Variants in ENOX2 observed in about 807,000 individuals in gnomAD.
The protein encoded by ENOX2 is APK1 antigen.
In ENOX2, 36 loss-of-function variants were observed where a neutral mutation model predicts 45.0. The observed-to-expected ratio is 0.80, with a 90% CI of 0.61 to 1.06. ENOX2 has a LOEUF of 1.06. ENOX2 is among the 50% of genes least tolerant of loss of function. The pLI is 0.00. For missense variants in ENOX2, 423 were observed against 462.5 expected, an observed-to-expected ratio of 0.91 and a Z score of 0.78; for synonymous variants, 174 against 152.3, an observed-to-expected ratio of 1.14 and a Z score of -1.05.
chrX:130,844,654 G>A (rs747535404), intron 2 of ENOX2, among the ~76,000 whole-genome samples: 7 of 111,839 alleles, frequency 6.3e-5, no homozygotes, highest in Non-Finnish European at 1.1e-4. Flanking sequence ...AAGCTGAATC[G>A]CAGTAACTTG....
chrX:130,817,818 T>C (rs368321818), intron 2 of ENOX2, among the ~76,000 whole-genome samples: 368 of 112,265 alleles, frequency 3.3e-3, no homozygotes, highest in African/African-American at 0.011. Context: ...TCATACTGAA[T>C]GGGCAGAAGC....
intron 3 of ENOX2, among the ~76,000 whole-genome samples, chrX:130,709,526 C>G (rs1256611288): frequency 2.8e-5 from 3 of 106,787 alleles, no homozygotes; most frequent in African/African-American, 1.0e-4. Flanking sequence ...GTAGTCCCAG[C>G]TACTTGGGAG....
intron 2 of ENOX2, among the ~76,000 whole-genome samples, chrX:130,802,626 C>T (rs73555138): frequency 1.1e-3 from 122 of 111,606 alleles, no homozygotes; most frequent in African/African-American, 3.6e-3. Flanking sequence ...CCACAGCAAG[C>T]CAGTGGCAGA....
intron 2 of ENOX2, among the ~76,000 whole-genome samples, chrX:130,856,062 C>T (rs1055076768): frequency 1.8e-5 from 2 of 112,057 alleles, no homozygotes; most frequent in African/African-American, 6.5e-5. Flanking sequence ...AAAACAGTGA[C>T]ACCACCATAT....
At chrX:130,809,702 A>C (rs771519182) in intron 2 of ENOX2, among the ~76,000 whole-genome samples, 27 of 111,661 alleles carry the variant, frequency 2.4e-4, no homozygotes, top group Non-Finnish European at 4.7e-4. Flanking sequence ...ACTACAAGTT[A>C]AAGTTAAGTC....
At chrX:130,746,476 T>C (rs2039100105) in intron 3 of ENOX2, among the ~76,000 whole-genome samples, 1 of 111,964 alleles carries the variant, frequency 8.9e-6, no homozygotes, top group African/African-American at 3.2e-5. Flanking sequence ...CTATTGAGGA[T>C]AGTAAGATAA....
chrX:130,775,792 T>C (rs1035182065), intron 3 of ENOX2, among the ~76,000 whole-genome samples: 1 of 111,454 alleles, frequency 9.0e-6, no homozygotes, highest in Non-Finnish European at 1.9e-5. Context: ...GTTTTGTGTT[T>C]TTTTTTTCTC....
intron 2 of ENOX2, among the ~76,000 whole-genome samples, chrX:130,832,418 T>TACAC (rs753016634): frequency 1.2e-4 from 9 of 73,599 alleles, no homozygotes; most frequent in South Asian, 6.2e-4. Flanking sequence ...GATATTCCCT[T>TACAC]ACACACACAC....
rs190519418 is a variant in ENOX2, at chrX:130,651,036, G to A, written c.1129+5545C>T. ...AAGAATGGGTAACATTTCTCTCAAGGCTAATAAGAAAGTTTGAGCTGAGGT... is the reference window on the plus strand; with the variant it reads ...AAGAATGGGTAACATTTCTCTCAAGACTAATAAGAAAGTTTGAGCTGAGGT... On this transcript the variant is annotated intron_variant, in intron 10 of 14. Coordinates refer to ENST00000394363, the MANE Select transcript of ENOX2 (RefSeq NM_006375.4). Among the ~76,000 whole-genome samples, 7 of 111,900 alleles carry A rather than the reference G, an allele frequency of 6.3e-5. No homozygotes were observed. The East Asian group carries it at 2.0e-3, about 32-fold the overall frequency.
At chrX:130,746,016 G>A (rs987130402) in intron 3 of ENOX2, among the ~76,000 whole-genome samples, 2 of 112,004 alleles carry the variant, frequency 1.8e-5, no homozygotes, top group Non-Finnish European at 3.8e-5. Context: ...GCCCTTGGTC[G>A]GAATCTATCA....
chrX:130,833,639 T>C (rs182192556), intron 2 of ENOX2, among the ~76,000 whole-genome samples: 1 of 111,174 alleles, frequency 9.0e-6, no homozygotes, highest in Non-Finnish European at 1.9e-5. Context: ...GCATAGTACA[T>C]CTAAGGATTC....
chrX:130,800,961 G>A (rs2039735239), intron 2 of ENOX2, among the ~76,000 whole-genome samples: 1 of 112,411 alleles, frequency 8.9e-6, no homozygotes, highest in Non-Finnish European at 1.9e-5. Context: ...GTCTGGAGAT[G>A]TCTTCAAATG....
intron 2 of ENOX2, among the ~76,000 whole-genome samples, chrX:130,887,263 C>T (rs758695446): frequency 7.2e-5 from 8 of 111,609 alleles, no homozygotes; most frequent in East Asian, 5.6e-4. Context: ...AACTGTTTCA[C>T]GTTGTATCCT....
intron 2 of ENOX2, among the ~76,000 whole-genome samples, chrX:130,829,278 A>G (rs927724413): frequency 2.7e-5 from 3 of 111,760 alleles, no homozygotes; most frequent in Admixed American, 1.9e-4. Flanking sequence ...GCCAAGCCCT[A>G]TATGGTCAGG....
intron 3 of ENOX2, among the ~76,000 whole-genome samples, chrX:130,746,469 T>A (rs1211300483): frequency 1.8e-5 from 2 of 111,908 alleles, no homozygotes; most frequent in Non-Finnish European, 1.9e-5. Context: ...GTTTTAGCTA[T>A]TGAGGATAGT....
chrX:130,644,599 G>T (rs1042239291), intron 10 of ENOX2, among the ~76,000 whole-genome samples: 2 of 111,737 alleles, frequency 1.8e-5, no homozygotes, highest in Admixed American at 9.5e-5. Flanking sequence ...AGACATGAAA[G>T]AAAATTAAAT....
intron 5 of ENOX2, among the ~76,000 whole-genome samples, chrX:130,686,759 T>C (rs781595121): frequency 8.9e-6 from 1 of 112,230 alleles, no homozygotes; most frequent in Admixed American, 9.4e-5. Flanking sequence ...ATTAGTGTTT[T>C]CTCCACCCAA....
At chrX:130,808,361 G>GT (rs963197314) in intron 2 of ENOX2, among the ~76,000 whole-genome samples, 10 of 110,452 alleles carry the variant, frequency 9.1e-5, no homozygotes, top group South Asian at 3.8e-4. Flanking sequence ...TTCCTCACCT[G>GT]TTTTTTTTTA....
At chrX:130,854,118 T>A (rs1395673205) in intron 2 of ENOX2, among the ~76,000 whole-genome samples, 1 of 112,028 alleles carries the variant, frequency 8.9e-6, no homozygotes, top group African/African-American at 3.2e-5. Flanking sequence ...TGACAAGTAT[T>A]TTAGGCCAGC....
Sources: gnomAD v4.1 joint callset for allele counts (sites outside exome capture counted in the v4.1 genomes callset) on GRCh38, gnomAD v4.1.1 for gene constraint, MANE v1.5 for transcripts, NCBI Gene and HGNC (gene_info 2026-07-23, HGNC 2026-07-21) for gene names.